Variants in GLIS3 observed in about 807,000 individuals in gnomAD.
GLIS3 encodes GLIS family zinc finger 3.
GLIS3 carries 53 observed loss-of-function variants against 78.6 expected under a neutral mutation model. The ratio of observed to expected loss-of-function variants is 0.67; its 90% confidence interval spans 0.54 to 0.85. The LOEUF (loss-of-function observed/expected upper bound fraction) is 0.85, where lower values mean the gene tolerates loss of function less well. Ranked by LOEUF, GLIS3 falls within the 40% of genes least tolerant of loss-of-function variation. The pLI is 0.00. For missense variants in GLIS3, 1,703 were observed against 1,231.1 expected (o/e 1.38, Z -5.74); for synonymous variants, 684 against 509.9 (o/e 1.34, Z -4.60).
intron 7 of GLIS3, among the ~76,000 whole-genome samples, chr9:3,880,570 A>G (rs1390125894): frequency 1.3e-5 from 2 of 152,202 alleles, no homozygotes; most frequent in Non-Finnish European, 2.9e-5. Flanking sequence ...TTACTCTACT[A>G]ATATCAAAGA....
chr9:4,127,026 G>A (rs1341561026), intron 2 of GLIS3, among the ~76,000 whole-genome samples: 5 of 152,072 alleles, frequency 3.3e-5, no homozygotes, highest in Non-Finnish European at 7.4e-5. Context: ...GCCCAAAAGT[G>A]CCTTTGTCAT....
At position 4,056,585 on chromosome 9, in the gene GLIS3, G is replaced by A. The variant is rs187492675; in HGVS notation, c.1710+61183C>T. 1.2e-3 allele frequency among the ~76,000 whole-genome samples: 185 copies of A among 152,280 alleles called. 1 individual carries two copies. The highest frequency in any genetic ancestry group is 4.0e-3 in the African/African-American group (168 of 41,562). ...CTTTGGGAAGAAAGTAAAGGTTGAA[G>A]AGAGAAGAGAGAAAAAAGCAAAGGG... is the stretch of plus-strand genomic sequence containing the variant. On this transcript the variant is annotated intron_variant, in intron 4 of 10. Coordinates refer to ENST00000381971, the MANE Select transcript of GLIS3 (RefSeq NM_001042413.2).
At chr9:4,180,028 T>C in intron 2 of GLIS3, among the ~76,000 whole-genome samples, 1 of 152,118 alleles carries the variant, frequency 6.6e-6, no homozygotes, top group South Asian at 2.1e-4. Context: ...CTCCTACACA[T>C]TGTTTATGCC....
chr9:4,106,389 G>A (rs1554700282), intron 4 of GLIS3, among the ~76,000 whole-genome samples: 2 of 152,128 alleles, frequency 1.3e-5, no homozygotes. Flanking sequence ...ACGTTTCTAA[G>A]AAGGGCGAAT....
At chr9:4,480,589 T>C in the GLIS3 span, among the ~76,000 whole-genome samples, 1 of 152,156 alleles carries the variant, frequency 6.6e-6, no homozygotes, top group East Asian at 1.9e-4. Context: ...CTATATATCA[T>C]ACAGAAGTGG....
the GLIS3 span, among the ~76,000 whole-genome samples, chr9:4,401,311 G>A: frequency 6.6e-6 from 1 of 152,170 alleles, no homozygotes; most frequent in South Asian, 2.1e-4. Context: ...CCAGGCTGGA[G>A]TGCAATGGTG....
intron 4 of GLIS3, among the ~76,000 whole-genome samples, chr9:4,040,959 G>T (rs914886044): frequency 1.6e-4 from 24 of 152,138 alleles, no homozygotes; most frequent in Admixed American, 1.6e-3. Context: ...CCCAGGGAAG[G>T]AGAAAGATTT....
the GLIS3 span, among the ~76,000 whole-genome samples, chr9:4,362,638 C>T: frequency 1.3e-5 from 2 of 152,154 alleles, no homozygotes; most frequent in Non-Finnish European, 2.9e-5. Flanking sequence ...TTACCTTATG[C>T]GGCAATGCCT....
At chr9:4,369,975 T>C in the GLIS3 span, among the ~76,000 whole-genome samples, 1 of 151,966 alleles carries the variant, frequency 6.6e-6, no homozygotes, top group African/African-American at 2.4e-5. Context: ...GCAGATCACT[T>C]GAATTCAGGA....
At chr9:4,212,473 C>T (rs991712926) in intron 2 of GLIS3, among the ~76,000 whole-genome samples, 2 of 152,126 alleles carry the variant, frequency 1.3e-5, no homozygotes, top group Middle Eastern at 3.2e-3. Flanking sequence ...CCTTGCAGTC[C>T]CAGGGCTGAG....
intron 4 of GLIS3, among the ~76,000 whole-genome samples, chr9:3,943,933 T>C (rs1438792912): frequency 2.0e-5 from 3 of 152,354 alleles, no homozygotes; most frequent in Non-Finnish European, 4.4e-5. Flanking sequence ...TGTTTTTCCT[T>C]ATTATTCTGG....
the GLIS3 span, among the ~76,000 whole-genome samples, chr9:4,474,413 C>G: frequency 1.7e-4 from 26 of 152,086 alleles, no homozygotes; most frequent in African/African-American, 6.0e-4. Flanking sequence ...CAGAAACAGA[C>G]GCACACATAT....
the GLIS3 span, among the ~76,000 whole-genome samples, chr9:4,402,006 G>T: frequency 6.4e-3 from 971 of 152,114 alleles, 8 homozygotes; most frequent in African/African-American, 0.022. Context: ...AAGGTTTTTT[G>T]CTCCAATCCC....
intron 4 of GLIS3, among the ~76,000 whole-genome samples, chr9:3,981,896 A>G (rs1334099993): frequency 1.3e-5 from 2 of 152,118 alleles, no homozygotes; most frequent in African/African-American, 2.4e-5. Context: ...AGCTACTTCA[A>G]AAGTTTCTGG....
At chr9:4,488,093 T>A in the GLIS3 span, among the ~76,000 whole-genome samples, 3 of 118,378 alleles carry the variant, frequency 2.5e-5, no homozygotes, top group African/African-American at 9.5e-5. Context: ...GCACATGGTT[T>A]TATTTCGTCT....
In GLIS3 at chr9:3,961,127, C is replaced by T. The variant is rs532009683; in HGVS notation, c.1711-23938G>A. 2.0e-5 allele frequency among the ~76,000 whole-genome samples: 3 copies of T among 152,296 alleles called. No individual in the cohort carries two copies. The East Asian group carries it at 5.8e-4, about 29-fold the overall frequency. The stretch of plus-strand genomic sequence containing the variant: ...TCACCACAACTGCTGAACCTCATTG[C>T]TCTGACAGCAGCACAAGGATCACCC... On this transcript the variant is annotated intron_variant, in intron 4 of 10. Transcript: ENST00000381971.
intron 7 of GLIS3, among the ~76,000 whole-genome samples, chr9:3,881,400 C>G (rs376101682): frequency 1.2e-4 from 19 of 152,146 alleles, no homozygotes; most frequent in African/African-American, 4.6e-4. Flanking sequence ...GTGTTCATCA[C>G]AAGGGAAGCA....
At chr9:4,032,747 A>C (rs606215) in intron 4 of GLIS3, among the ~76,000 whole-genome samples, 60,598 of 152,074 alleles carry the variant, frequency 0.4, 12,292 homozygotes, top group African/African-American at 0.44. Context: ...TCTGCTTACC[A>C]CATCCAACTT....
At chr9:4,091,714 T>C (rs1014603735) in intron 4 of GLIS3, among the ~76,000 whole-genome samples, 4 of 152,286 alleles carry the variant, frequency 2.6e-5, no homozygotes, top group East Asian at 3.9e-4. Flanking sequence ...AAGGAGGATG[T>C]GTTTGCTTTC....
Sources: gnomAD v4.1 joint callset for allele counts (sites outside exome capture counted in the v4.1 genomes callset) on GRCh38, gnomAD v4.1.1 for gene constraint, MANE v1.5 for transcripts, NCBI Gene and HGNC (gene_info 2026-07-23, HGNC 2026-07-21) for gene names.